The following DMD variants were observed in gnomAD, a reference collection of about 807,000 sequenced individuals.
The protein encoded by DMD is mutant dystrophin.
In DMD, 63 loss-of-function variants were observed where a neutral mutation model predicts 330.1. That is an observed-to-expected ratio of 0.19 (90% CI 0.16 to 0.24). DMD has a LOEUF of 0.24. DMD is among the 10% of genes least tolerant of loss of function. The pLI is 1.00. For missense variants in DMD, 3,344 were observed against 2,684.1 expected (o/e 1.25, Z -5.43); for synonymous variants, 1,223 against 959.8 (o/e 1.27, Z -5.07).
chrX:32,915,394 C>T (rs747300735), intron 2 of DMD, among the ~76,000 whole-genome samples: 13 of 111,598 alleles, frequency 1.2e-4, no homozygotes, highest in Admixed American at 2.9e-4. Context: ...TTTAGGCGAC[C>T]GCTTACATTT....
At chrX:31,883,425 T>A (rs984333212) in intron 47 of DMD, among the ~76,000 whole-genome samples, 2 of 111,048 alleles carry the variant, frequency 1.8e-5, no homozygotes, top group African/African-American at 6.6e-5. Flanking sequence ...TTTTTAAAAA[T>A]CCCTGAATTT....
chrX:31,184,172 G>C (rs1464775154), intron 67 of DMD, among the ~76,000 whole-genome samples: 1 of 112,213 alleles, frequency 8.9e-6, no homozygotes, highest in Non-Finnish European at 1.9e-5. Context: ...GCCTCCCAAA[G>C]TGCTGGGATA....
At chrX:33,012,158 T>G (rs1055253306) in intron 2 of DMD, among the ~76,000 whole-genome samples, 1 of 111,764 alleles carries the variant, frequency 8.9e-6, no homozygotes, top group African/African-American at 3.2e-5. Context: ...TCACAATCCA[T>G]TTTTGTCTCA....
At chrX:32,425,394 T>G (rs1208208613) in intron 29 of DMD, among the ~76,000 whole-genome samples, 1 of 111,498 alleles carries the variant, frequency 9.0e-6, no homozygotes, top group Admixed American at 9.6e-5. Flanking sequence ...TCCTTCCATT[T>G]TTTTTGCTCG....
intron 44 of DMD, among the ~76,000 whole-genome samples, chrX:32,176,391 G>C (rs961823716): frequency 9.0e-6 from 1 of 111,366 alleles, no homozygotes; most frequent in Non-Finnish European, 1.9e-5. Flanking sequence ...AATCATTGTA[G>C]AAAGTTAAAT....
intron 1 of DMD, among the ~76,000 whole-genome samples, chrX:33,106,978 A>G (rs1410984388): frequency 1.8e-5 from 2 of 111,866 alleles, no homozygotes; most frequent in Non-Finnish European, 3.8e-5. Context: ...CAGCGCAAAC[A>G]GGAATTAACT....
chrX:32,636,882 C>A (rs1290633785), intron 11 of DMD, among the ~76,000 whole-genome samples: 1 of 109,767 alleles, frequency 9.1e-6, no homozygotes, highest in Non-Finnish European at 1.9e-5. Flanking sequence ...CCTGTAGTCC[C>A]AACTACTGGG....
At chrX:33,188,485 C>A (rs1603401861) in intron 1 of DMD, among the ~76,000 whole-genome samples, 1 of 110,062 alleles carries the variant, frequency 9.1e-6, no homozygotes, top group East Asian at 2.9e-4. Flanking sequence ...GACAGCAGTC[C>A]TCAGTAACTC....
chrX:33,029,375 T>C (rs186359521), intron 1 of DMD, among the ~76,000 whole-genome samples: 1 of 112,410 alleles, frequency 8.9e-6, no homozygotes, highest in Admixed American at 9.4e-5. Flanking sequence ...CTCTGTAATA[T>C]GATATAATTG....
At chrX:32,360,868 T>C (rs2097830675) in intron 37 of DMD, among the ~76,000 whole-genome samples, 2 of 110,081 alleles carry the variant, frequency 1.8e-5, no homozygotes. Flanking sequence ...CTTATGTTTC[T>C]AGGGAAAATA....
intron 41 of DMD, among the ~76,000 whole-genome samples, chrX:32,338,388 T>G (rs1039567626): frequency 9.0e-6 from 1 of 111,259 alleles, no homozygotes; most frequent in Admixed American, 9.6e-5. Context: ...TAATCCCTAT[T>G]TTTTTCAACT....
chrX:31,406,712 G>A (rs958389903), intron 60 of DMD, among the ~76,000 whole-genome samples: 7 of 111,451 alleles, frequency 6.3e-5, no homozygotes, highest in African/African-American at 2.3e-4. Context: ...AGGACTCAAG[G>A]TTATATATCT....
chrX:33,086,078 G>A (rs767466930), intron 1 of DMD, among the ~76,000 whole-genome samples: 8 of 111,992 alleles, frequency 7.1e-5, no homozygotes, highest in Non-Finnish European at 1.3e-4. Context: ...TTCACAGAAG[G>A]CCTGAAGCCT....
intron 51 of DMD, among the ~76,000 whole-genome samples, chrX:31,752,316 A>G (rs962158341): frequency 1.8e-5 from 2 of 111,464 alleles, no homozygotes; most frequent in African/African-American, 6.5e-5. Flanking sequence ...GTTTGTCACA[A>G]TGTGACATAC....
chrX:32,608,058 A>G (rs2056876392), intron 12 of DMD, among the ~76,000 whole-genome samples: 1 of 110,216 alleles, frequency 9.1e-6, no homozygotes, highest in Non-Finnish European at 1.9e-5. Context: ...TCGTAGCTAT[A>G]CCGATATACT....
chrX:32,863,545 C>CACACACAAAT (rs1243919604), intron 2 of DMD, among the ~76,000 whole-genome samples: 47 of 54,615 alleles, frequency 8.6e-4, no homozygotes, highest in Non-Finnish European at 1.7e-3. Flanking sequence ...TATACACACA[C>CACACACAAAT]ACACACACAC....
Position 31,951,145 on chromosome X carries a change from A to ATATATATATATGTATATATATATATG in DMD, c.6614+17193_6614+17194insCATATATATATATACATATATATATA, listed in dbSNP as rs1380025844. 2.2e-4 allele frequency among the ~76,000 whole-genome samples: 16 copies of ATATATATATATGTATATATATATATG among 71,282 alleles called. 1 individual carries two copies. The highest frequency in any genetic ancestry group is 9.9e-4 in the African/African-American group (15 of 15,091). The allele number at this position is 71,282 out of a possible 115,157, so 61.9% of individuals were successfully genotyped here. On this transcript the variant is annotated intron_variant, in intron 45 of 78. Transcript: ENST00000357033. ...TACATATATATATATATATATGTGT[A>ATATATATATATGTATATATATATATG]TATATATATATATGTATATATATAT...
At chrX:32,620,980 G>A (rs900715845) in intron 11 of DMD, among the ~76,000 whole-genome samples, 16 of 111,039 alleles carry the variant, frequency 1.4e-4, no homozygotes, top group Non-Finnish European at 2.5e-4. Flanking sequence ...TGGATACTAC[G>A]GATGGAGAGG....
intron 7 of DMD, among the ~76,000 whole-genome samples, chrX:32,761,796 C>T (rs1228903177): frequency 1.1e-5 from 1 of 93,606 alleles, no homozygotes; most frequent in African/African-American, 3.9e-5. Flanking sequence ...CTCTGGGTTC[C>T]TTCCAGACTT....
Sources: allele counts gnomAD v4.1 joint callset (sites outside exome capture counted in the v4.1 genomes callset), GRCh38; gene constraint gnomAD v4.1.1; transcripts MANE v1.5; gene names NCBI Gene and HGNC (gene_info 2026-07-23, HGNC 2026-07-21).